Variants in VMP1 observed in about 807,000 individuals in gnomAD.
The protein encoded by VMP1 is ectopic P-granules autophagy protein 3 homolog.
VMP1 carries 11 observed loss-of-function variants against 56.0 expected under a neutral mutation model. The ratio of observed to expected loss-of-function variants is 0.20; its 90% confidence interval spans 0.12 to 0.32. VMP1 has a LOEUF of 0.32. Ranked by LOEUF, VMP1 falls within the 10% of genes least tolerant of loss-of-function variation. The pLI, the probability that VMP1 is intolerant of heterozygous loss-of-function variation, is 1.00. For missense variants in VMP1, 296 were observed against 490.3 expected (o/e 0.60, Z 3.74); for synonymous variants, 149 against 165.0 (o/e 0.90, Z 0.74).
intron 5 of VMP1, among the ~76,000 whole-genome samples, chr17:59,746,693 C>G (rs1383533379): frequency 1.3e-5 from 2 of 152,162 alleles, no homozygotes; most frequent in East Asian, 3.9e-4. Flanking sequence ...CCCAGAGGGA[C>G]AAGTTAAGAT....
intron 7 of VMP1, among the ~76,000 whole-genome samples, chr17:59,807,203 T>G (rs920656005): frequency 4.6e-5 from 7 of 150,550 alleles, no homozygotes; most frequent in South Asian, 2.1e-4. Flanking sequence ...TTTTTTGTTT[T>G]TTTTTTTTTT....
intron 6 of VMP1, among the ~76,000 whole-genome samples, chr17:59,773,321 T>TA (rs1157872374): frequency 1.3e-5 from 2 of 151,788 alleles, no homozygotes; most frequent in Admixed American, 6.6e-5. Context: ...GGGCAAATGA[T>TA]AAAAATAACA....
At chr17:59,739,549 C>G (rs907673334) in intron 5 of VMP1, among the ~76,000 whole-genome samples, 4 of 150,628 alleles carry the variant, frequency 2.7e-5, no homozygotes, top group Non-Finnish European at 5.9e-5. Context: ...ATGGTGAAAC[C>G]CTGTCTCTAC....
chr17:59,777,853 C>A (rs974084990), intron 7 of VMP1, among the ~76,000 whole-genome samples: 2 of 145,616 alleles, frequency 1.4e-5, no homozygotes, highest in African/African-American at 2.7e-5. Flanking sequence ...CAAAACAAAA[C>A]AAAAAAACAA....
chr17:59,799,204 T>C (rs947956354), intron 7 of VMP1, among the ~76,000 whole-genome samples: 6 of 152,252 alleles, frequency 3.9e-5, no homozygotes, highest in Non-Finnish European at 5.9e-5. Context: ...GTTTTACATA[T>C]AATCTCTTCT....
At chr17:59,772,859 C>T (rs1170001987) in intron 6 of VMP1, among the ~76,000 whole-genome samples, 1 of 148,510 alleles carries the variant, frequency 6.7e-6, no homozygotes, top group Non-Finnish European at 1.5e-5. Context: ...TTTAACTCAA[C>T]AGAAGAAAAG....
chr17:59,816,588 G>A (rs2038239107), intron 9 of VMP1, among the ~76,000 whole-genome samples: 2 of 151,648 alleles, frequency 1.3e-5, no homozygotes, highest in East Asian at 1.9e-4. Context: ...GGCAGATCAC[G>A]AGGTCAGGAG....
chr17:59,721,067 C>T (rs896888703), intron 1 of VMP1, among the ~76,000 whole-genome samples: 6 of 142,122 alleles, frequency 4.2e-5, no homozygotes, highest in Non-Finnish European at 7.8e-5. Context: ...GGATGGGGGC[C>T]GGGCGCGGTG....
At chr17:59,811,910 G>A (rs770274192) in intron 9 of VMP1, 124 bp downstream of exon 9, 6 of 673,162 alleles carry the variant, frequency 8.9e-6, no homozygotes, top group Admixed American at 5.1e-5. Context: ...AGCTTACTTA[G>A]GTAATACCAC....
chr17:59,799,114 G>C (rs191845563), intron 7 of VMP1, among the ~76,000 whole-genome samples: 46 of 152,232 alleles, frequency 3.0e-4, no homozygotes, highest in East Asian at 1.5e-3. Context: ...AGAATAGTCA[G>C]ATCCTTCTTT....
intron 5 of VMP1, among the ~76,000 whole-genome samples, chr17:59,751,059 A>G (rs2035624195): frequency 6.6e-6 from 1 of 150,588 alleles, no homozygotes; most frequent in African/African-American, 2.5e-5. Context: ...CAGCCTCCCG[A>G]GTAGCTGGGA....
chr17:59,747,796 GA>G (rs1359427898), intron 5 of VMP1, among the ~76,000 whole-genome samples: 4 of 151,902 alleles, frequency 2.6e-5, no homozygotes, highest in Non-Finnish European at 5.9e-5. Flanking sequence ...TCAGGAAGTT[GA>G]GGTAGGAAGA....
chr17:59,820,247 T>A (rs186823275), intron 10 of VMP1, among the ~76,000 whole-genome samples: 1 of 152,292 alleles, frequency 6.6e-6, no homozygotes, highest in Admixed American at 6.5e-5. Flanking sequence ...TATTTGAGTC[T>A]CCCACCACTG....
At chr17:59,754,761 A>G (rs2035774620) in intron 5 of VMP1, among the ~76,000 whole-genome samples, 1 of 152,134 alleles carries the variant, frequency 6.6e-6, no homozygotes, top group South Asian at 2.1e-4. Flanking sequence ...TCCCTAAGGA[A>G]TGACTCATAT....
chr17:59,827,881 T>C (rs928308908), intron 10 of VMP1, among the ~76,000 whole-genome samples: 5 of 151,618 alleles, frequency 3.3e-5, no homozygotes. Context: ...CTGCAGTGAG[T>C]CGTGTTTGTG....
chr17:59,823,076 C>A (rs537735803), intron 10 of VMP1, among the ~76,000 whole-genome samples: 1 of 152,128 alleles, frequency 6.6e-6, no homozygotes, highest in Non-Finnish European at 1.5e-5. Context: ...CAGAGTGAGA[C>A]CCTGATTCTT....
chr17:59,744,642 A>AG (rs1365779292), intron 5 of VMP1, among the ~76,000 whole-genome samples: 9 of 151,316 alleles, frequency 5.9e-5, no homozygotes, highest in Middle Eastern at 3.2e-3. Flanking sequence ...AAAAAAAAAA[A>AG]AGAGAGAGAC....
Position 59,773,740 on chromosome 17 carries a change from G to A in VMP1, c.583-14G>A. ...AACAGAACCTCATTGTAAGTATTTT[G>A]GTTTTTCACCTAGGGTATCGGTACA... is the stretch of plus-strand genomic sequence containing the variant. On this transcript the variant is annotated splice_polypyrimidine_tract_variant and intron_variant, in intron 6 of 11. Coordinates refer to ENST00000262291, the MANE Select transcript of VMP1 (RefSeq NM_030938.5). 1.3e-6 allele frequency: 2 copies of A among 1,585,472 alleles called. No individual in the cohort carries two copies. Among genetic ancestry groups the A allele is most frequent in the Non-Finnish European group, 1.7e-6 (2 of 1,167,380 alleles).
chr17:59,731,248 A>T, intron 1 of VMP1, 173 bp from the exon 2 acceptor site: 1 of 353,372 alleles, frequency 2.8e-6, no homozygotes, highest in Non-Finnish European at 5.1e-6. Flanking sequence ...TAAATTGTTC[A>T]ATAGAATAAC....
Sources: allele counts gnomAD v4.1 joint callset (sites outside exome capture counted in the v4.1 genomes callset), GRCh38; gene constraint gnomAD v4.1.1; transcripts MANE v1.5; gene names NCBI Gene and HGNC (gene_info 2026-07-23, HGNC 2026-07-21).